PRP4K: variants seen among roughly 807,000 people sequenced by gnomAD.
PRP4K encodes the protein pre-mRNA processing factor kinase PRP4K, also known as serine/threonine-protein kinase PRP4 homolog.
chr6:4,025,137 G>T, the PRP4K span, among the ~76,000 whole-genome samples: 1 of 152,114 alleles, frequency 6.6e-6, no homozygotes. Context: ...TTGTGACCAG[G>T]TTGGTATACA....
chr6:4,040,261 T>C, the PRP4K span, among the ~76,000 whole-genome samples: 1 of 152,086 alleles, frequency 6.6e-6, no homozygotes, highest in Non-Finnish European at 1.5e-5. Context: ...AACATGCATA[T>C]AACTTACATA....
chr6:4,032,443 C>G, the PRP4K span: 1 of 1,614,042 alleles, frequency 6.2e-7, no homozygotes, highest in Non-Finnish European at 8.5e-7. Context: ...AGGTCACGGT[C>G]CAAAGAGAGA....
chr6:4,034,258 A>G, the PRP4K span, among the ~76,000 whole-genome samples: 1 of 152,134 alleles, frequency 6.6e-6, no homozygotes, highest in East Asian at 1.9e-4. Context: ...ATTGTTTTTC[A>G]TTCTGCCTGA....
At chr6:4,040,747 T>C in the PRP4K span, 17 of 1,607,016 alleles carry the variant, frequency 1.1e-5, no homozygotes, top group Middle Eastern at 5.4e-4. Context: ...AAAAAATGTA[T>C]ACCTGTCTTT....
the PRP4K span, among the ~76,000 whole-genome samples, chr6:4,022,159 T>TTTC: frequency 1.4e-5 from 2 of 147,512 alleles, no homozygotes; most frequent in African/African-American, 5.0e-5. Context: ...CTGGCATTTT[T>TTTC]TTTTTTTTTT....
chr6:4,036,307 T>C, the PRP4K span, among the ~76,000 whole-genome samples: 2,327 of 152,188 alleles, frequency 0.015, 63 homozygotes, highest in African/African-American at 0.053. Context: ...CTGCAACCTC[T>C]GCCTCCCAGG....
At chr6:4,040,918 C>A in the PRP4K span, 1 of 1,612,782 alleles carries the variant, frequency 6.2e-7, no homozygotes, top group Admixed American at 1.7e-5. Context: ...GAATCTTCGT[C>A]TGATGATAAG....
chr6:4,031,346 A>G, the PRP4K span, among the ~76,000 whole-genome samples: 2 of 152,204 alleles, frequency 1.3e-5, no homozygotes, highest in Non-Finnish European at 2.9e-5. Flanking sequence ...GAGTTCAACC[A>G]TTAGAAACAC....
the PRP4K span, among the ~76,000 whole-genome samples, chr6:4,035,284 A>ATTTTTTTTTTTTTTTT: frequency 6.8e-4 from 40 of 58,802 alleles, no homozygotes; most frequent in South Asian, 1.1e-3. Flanking sequence ...CGCCCGGCTA[A>ATTTTTTTTTTTTTTTT]TTTTTTTTTT....
the PRP4K span, among the ~76,000 whole-genome samples, chr6:4,027,989 G>C: frequency 1.3e-5 from 2 of 152,018 alleles, no homozygotes; most frequent in Non-Finnish European, 2.9e-5. Context: ...ACTTGAATTA[G>C]CCTAAATTTT....
chr6:4,038,354 C>T, the PRP4K span, among the ~76,000 whole-genome samples: 2 of 151,764 alleles, frequency 1.3e-5, no homozygotes, highest in African/African-American at 2.4e-5. Flanking sequence ...TGCAATGGCG[C>T]GATCTCACTG....
chr6:4,060,852 C>T, the PRP4K span: 3 of 520,638 alleles, frequency 5.8e-6, no homozygotes, highest in Admixed American at 3.5e-5. This position sits in a 1 kb window ranked among gnomAD's most constrained non-coding sequence, Gnocchi z 4.7. Flanking sequence ...CACAAAATTA[C>T]AGTGCTAATG....
chr6:4,022,870 C>G, the PRP4K span, among the ~76,000 whole-genome samples: 1 of 152,154 alleles, frequency 6.6e-6, no homozygotes, highest in Admixed American at 6.5e-5. Flanking sequence ...CTGAAAAGTT[C>G]TGTAATATTA....
chr6:4,022,221 A>G, the PRP4K span, among the ~76,000 whole-genome samples: 2 of 126,784 alleles, frequency 1.6e-5, no homozygotes, highest in African/African-American at 6.1e-5. Flanking sequence ...TGGAAGGAGT[A>G]GTGGGAATTG....
chr6:4,063,500 A>G, the PRP4K span: 2 of 152,206 alleles, frequency 1.3e-5, no homozygotes, highest in Non-Finnish European at 2.9e-5. Flanking sequence ...TGGAATATTA[A>G]GAATACTGTT....
chr6:4,047,640 TTATTAA>T, the PRP4K span, among the ~76,000 whole-genome samples: 5 of 152,194 alleles, frequency 3.3e-5, no homozygotes, highest in Non-Finnish European at 5.9e-5. Flanking sequence ...GATTGAGAAC[TTATTAA>T]TAGAATATTG....
the PRP4K span, chr6:4,047,188 G>A: frequency 1.2e-6 from 2 of 1,610,668 alleles, no homozygotes; most frequent in Non-Finnish European, 1.7e-6. Flanking sequence ...CATCTCAGAA[G>A]AAGTTGTTGG....
chr6:4,024,206 T>C, the PRP4K span, among the ~76,000 whole-genome samples: 1 of 152,110 alleles, frequency 6.6e-6, no homozygotes, highest in Non-Finnish European at 1.5e-5. Context: ...AGGCAGAGTC[T>C]TCCCATGTTG....
At chr6:4,047,383 C>G in the PRP4K span, 1 of 778,652 alleles carries the variant, frequency 1.3e-6, no homozygotes, top group South Asian at 1.9e-5. Context: ...AATCTGAAAA[C>G]TCTACTAGTT....
Sources: gnomAD v4.1 joint callset for allele counts (sites outside exome capture counted in the v4.1 genomes callset) on GRCh38, gnomAD v4.1.1 for gene constraint, Gnocchi (gnomAD v3.1) non-coding constraint, MANE v1.5 for transcripts, NCBI Gene and HGNC (gene_info 2026-07-23, HGNC 2026-07-21) for gene names.